The following ADAMTS20 variants were observed in gnomAD, a reference collection of about 807,000 sequenced individuals.
The protein encoded by ADAMTS20 is A disintegrin and metalloproteinase with thrombospondin motifs 20.
In ADAMTS20, 225 loss-of-function variants were observed where a neutral mutation model predicts 260.1. The ratio of observed to expected loss-of-function variants is 0.87; its 90% CI spans 0.78 to 0.97. The LOEUF (loss-of-function observed/expected upper bound fraction) is 0.97. Among genes scored for constraint, ADAMTS20 ranks in the 50% least tolerant of loss-of-function variants. The pLI, the probability that ADAMTS20 is intolerant of heterozygous loss-of-function variation, is 0.00. For synonymous variants in ADAMTS20, 802 were observed against 769.5 expected (o/e 1.04, Z -0.70); for missense variants, 2,400 against 2,337.7 (o/e 1.03, Z -0.55).
chr12:43,413,896 C>T (rs1016187129), intron 28 of ADAMTS20, among the ~76,000 whole-genome samples: 1 of 152,162 alleles, frequency 6.6e-6, no homozygotes, highest in African/African-American at 2.4e-5. Flanking sequence ...ACACTTTCCT[C>T]TGCACTCATA....
chr12:43,507,164 T>C (rs1178335440), intron 3 of ADAMTS20, among the ~76,000 whole-genome samples: 1 of 152,222 alleles, frequency 6.6e-6, no homozygotes, highest in Non-Finnish European at 1.5e-5. Flanking sequence ...AATTTGATTG[T>C]GGTAATCATT....
In ADAMTS20 at chr12:43,425,748, T is replaced by C. The variant is rs1005165078; in HGVS notation, c.4108-58A>G. Reference sequence around the variant, plus strand: ...GGTTTTAAAGAGAATAATGTATTGCTTCATTCAATGTTTAAACATAATTAG... The same window carrying C: ...GGTTTTAAAGAGAATAATGTATTGCCTCATTCAATGTTTAAACATAATTAG... On this transcript the variant is annotated intron_variant, in intron 27 of 38. Transcript: ENST00000389420. 26 of 1,176,472 alleles carry C rather than the reference T, an allele frequency of 2.2e-5. No homozygotes were observed. The African/African-American group carries it at 3.3e-4, about 15-fold the overall frequency. 72.9% of individuals were successfully genotyped at this position (1,176,472 alleles called of 1,614,324 possible).
chr12:43,510,128 G>C (rs1942902251), intron 3 of ADAMTS20, among the ~76,000 whole-genome samples: 1 of 152,028 alleles, frequency 6.6e-6, no homozygotes, highest in Admixed American at 6.6e-5. Context: ...GATATGGAAG[G>C]ATGTCCAGAA....
intron 2 of ADAMTS20, among the ~76,000 whole-genome samples, chr12:43,543,175 G>C (rs533893297): frequency 1.3e-5 from 2 of 151,968 alleles, no homozygotes; most frequent in African/African-American, 4.8e-5. Context: ...GGTCAGGTGT[G>C]GGGGGGTGTG....
chr12:43,478,047 A>G (rs1313789145), intron 7 of ADAMTS20, among the ~76,000 whole-genome samples: 3 of 152,198 alleles, frequency 2.0e-5, no homozygotes, highest in Non-Finnish European at 4.4e-5. Context: ...TACGTAAAAG[A>G]AGAAATAAGA....
At position 43,492,503 on chromosome 12, in the gene ADAMTS20, A is replaced by C; in HGVS notation, c.1076+2T>G. ...TGGGAAGGGTTATTTCTATAATCAT[A>C]CCTAGTGATAAGAACAGCAGTGTCA... On this transcript the variant is annotated splice_donor_variant, in intron 6 of 38. Coordinates refer to ENST00000389420, the MANE Select transcript of ADAMTS20 (RefSeq NM_025003.5). LOFTEE classifies it high-confidence loss of function. The C allele has an allele frequency of 6.2e-7, 1 of 1,613,720 alleles. No homozygotes were observed. Among genetic ancestry groups the C allele is most frequent in the Non-Finnish European group, 8.5e-7 (1 of 1,179,676 alleles).
chr12:43,539,254 A>G (rs1943341292), intron 2 of ADAMTS20, among the ~76,000 whole-genome samples: 1 of 152,132 alleles, frequency 6.6e-6, no homozygotes, highest in Non-Finnish European at 1.5e-5. Context: ...CCCAGGCTTT[A>G]ATGAACATTC....
At chr12:43,468,565 G>T in intron 8 of ADAMTS20, 35 bp downstream of exon 8, 2 of 1,246,810 alleles carry the variant, frequency 1.6e-6, no homozygotes, top group Non-Finnish European at 1.2e-6. Context: ...AAGATAAATA[G>T]AATGCACATT....
chr12:43,421,266 A>T (rs1300312148), intron 28 of ADAMTS20, among the ~76,000 whole-genome samples: 1 of 120,000 alleles, frequency 8.3e-6, no homozygotes, highest in Non-Finnish European at 1.7e-5. Flanking sequence ...GGGTTCAAGT[A>T]GCAAGCTTTC....
intron 28 of ADAMTS20, among the ~76,000 whole-genome samples, chr12:43,406,367 A>T (rs988260385): frequency 6.6e-6 from 1 of 152,116 alleles, no homozygotes; most frequent in African/African-American, 2.4e-5. Context: ...TAAATTAAAA[A>T]TTTTTAATAA....
rs776875165 is a variant in ADAMTS20, at chr12:43,551,138, G to C, written c.224C>G (p.Pro75Arg). The C allele has an allele frequency of 3.1e-6, 5 of 1,613,938 alleles. No homozygotes were observed. The highest frequency in any genetic ancestry group is 4.2e-6 in the Non-Finnish European group (5 of 1,179,886). Reference sequence around the variant, plus strand: ...AGTGAAGCGATAGTGGGTTCGGAACGGCATGGGTTCCAGCGCCTCGGAGCT... The same window carrying C: ...AGTGAAGCGATAGTGGGTTCGGAACCGCATGGGTTCCAGCGCCTCGGAGCT... ...KRSSEALEPM[P>R]FRTHYRFTAY... Residue 75 changes from proline to arginine, a missense_variant, in exon 2 of 39, where the codon CCG (proline) becomes CGG (arginine). Physicochemically the swap from Pro to Arg is moderately radical, Grantham distance 103. Transcript: ENST00000389420. The surrounding 1 kb of genome is among the most constrained non-coding windows in gnomAD (Gnocchi z 4.6).
Position 43,551,918 on chromosome 12 carries a change from A to C in ADAMTS20, c.4T>G (p.Trp2Gly), listed in dbSNP as rs1413441958. 6.2e-7 allele frequency: 1 copy of C among 1,613,390 alleles called. No homozygotes were observed. Among genetic ancestry groups the C allele is most frequent in the Non-Finnish European group, 8.5e-7 (1 of 1,179,670 alleles). ...AGCCCAGTCAGCCACTTGGCCACCC[A>C]CATGGTTCCACCCTGGGGACCCCGA... is the stretch of plus-strand genomic sequence containing the variant. M[W>G]VAKWLTGLLY... The change falls in exon 1 of 39, where the codon TGG (tryptophan) becomes GGG (glycine). Residue 2 changes from tryptophan to glycine, a missense_variant. By Grantham distance (184) the Trp-to-Gly change is radical. Coordinates refer to ENST00000389420, the MANE Select transcript of ADAMTS20 (RefSeq NM_025003.5). The surrounding 1 kb of genome is among the most constrained non-coding windows in gnomAD (Gnocchi z 4.6).
At chr12:43,536,007 G>A (rs908315147) in intron 2 of ADAMTS20, among the ~76,000 whole-genome samples, 2 of 152,064 alleles carry the variant, frequency 1.3e-5, no homozygotes, top group East Asian at 1.9e-4. Flanking sequence ...GTGAGGCTAA[G>A]TCATCCAAGG....
intron 28 of ADAMTS20, among the ~76,000 whole-genome samples, chr12:43,415,994 C>G (rs986605870): frequency 5.9e-5 from 9 of 152,126 alleles, no homozygotes; most frequent in Admixed American, 3.9e-4. Flanking sequence ...TCCAAACTTC[C>G]CTGATCTCAA....
chr12:43,548,357 A>G (rs1469969220), intron 2 of ADAMTS20, among the ~76,000 whole-genome samples: 4 of 152,210 alleles, frequency 2.6e-5, no homozygotes, highest in African/African-American at 7.2e-5. Context: ...GAGCAGGGCC[A>G]TCAGGTTAGC....
intron 29 of ADAMTS20, among the ~76,000 whole-genome samples, chr12:43,384,973 A>T (rs748446954): frequency 3.3e-5 from 5 of 152,140 alleles, no homozygotes; most frequent in Non-Finnish European, 5.9e-5. Flanking sequence ...ACATATACCA[A>T]AAATGGGATT....
intron 14 of ADAMTS20, among the ~76,000 whole-genome samples, chr12:43,447,925 A>G (rs368653973): frequency 3.9e-5 from 6 of 152,144 alleles, no homozygotes; most frequent in Admixed American, 2.0e-4. Context: ...CTAGGAATAC[A>G]GCCAACCAGG....
intron 28 of ADAMTS20, among the ~76,000 whole-genome samples, chr12:43,421,145 A>G (rs1941225618): frequency 6.6e-6 from 1 of 151,900 alleles, no homozygotes; most frequent in Non-Finnish European, 1.5e-5. Context: ...TATTTGTTGC[A>G]TTCCATTATA....
intron 4 of ADAMTS20, among the ~76,000 whole-genome samples, chr12:43,495,129 C>T (rs565236187): frequency 8.5e-5 from 13 of 152,174 alleles, no homozygotes; most frequent in South Asian, 8.3e-4. Flanking sequence ...TTTCCAGTTT[C>T]GGAAGGAAAC....
Sources: gnomAD v4.1 joint callset for allele counts (sites outside exome capture counted in the v4.1 genomes callset) on GRCh38, gnomAD v4.1.1 for gene constraint, Gnocchi (gnomAD v3.1) non-coding constraint, MANE v1.5 for transcripts, NCBI Gene and HGNC (gene_info 2026-07-23, HGNC 2026-07-21) for gene names.